Variants in DNAH14 observed in about 807,000 individuals in gnomAD.
The protein encoded by DNAH14 is axonemal beta dynein heavy chain 14.
Under a neutral mutation model 520.9 loss-of-function variants are expected in DNAH14, and 478 were observed. The observed-to-expected ratio is 0.92, with a 90% CI of 0.85 to 0.99. The LOEUF (loss-of-function observed/expected upper bound fraction) is 0.99. Ranked by LOEUF, DNAH14 falls within the 50% of genes least tolerant of loss-of-function variation. The pLI, the probability that DNAH14 is intolerant of heterozygous loss-of-function variation, is 0.00. For synonymous variants in DNAH14, 1,581 were observed against 1,757.2 expected, an observed-to-expected ratio of 0.90 and a Z score of 2.51; for missense variants, 4,831 against 5,234.5, an observed-to-expected ratio of 0.92 and a Z score of 2.38.
At chr1:225,117,121 G>A (rs1025515016) in intron 23 of DNAH14, among the ~76,000 whole-genome samples, 2 of 152,024 alleles carry the variant, frequency 1.3e-5, no homozygotes, top group Non-Finnish European at 2.9e-5. Flanking sequence ...TAAGTTAATG[G>A]GTATCTCTTC....
At chr1:225,316,989 T>C (rs1480072805) in intron 60 of DNAH14, among the ~76,000 whole-genome samples, 1 of 152,264 alleles carries the variant, frequency 6.6e-6, no homozygotes, top group Non-Finnish European at 1.5e-5. Context: ...TCTAAGTTAT[T>C]ATTGACAATG....
At chr1:225,339,760 A>G (rs925707403) in intron 68 of DNAH14, among the ~76,000 whole-genome samples, 1 of 152,176 alleles carries the variant, frequency 6.6e-6, no homozygotes, top group Non-Finnish European at 1.5e-5. Context: ...AATATCATTA[A>G]GCTTCAATTT....
In DNAH14 at chr1:225,398,058, A is replaced by AAAAAAC; in HGVS notation, c.13492-457_13492-456insCAAAAA. 1.3e-5 allele frequency: 2 copies of AAAAAAC among 152,028 alleles called. 1 individual carries two copies. The highest frequency in any genetic ancestry group is 4.8e-5 in the African/African-American group (2 of 41,320). 9.4% of individuals were successfully genotyped at this position (152,028 alleles called of 1,614,324 possible). On this transcript the variant is annotated intron_variant, in intron 84 of 85. Coordinates refer to ENST00000682510, the MANE Select transcript of DNAH14 (RefSeq NM_001367479.1). ...CGAGACCCCATGTCAAAAAAAAAAA[A>AAAAAAC]AAAAAAAAAAACCCCTCCTCTGCCT...
At chr1:225,277,303 AT>A (rs2093509266) in intron 53 of DNAH14, 106 bp from the exon 54 acceptor site, 1 of 386,836 alleles carries the variant, frequency 2.6e-6, no homozygotes, top group Non-Finnish European at 5.4e-6. Flanking sequence ...AGAGCTCTGG[AT>A]TACTAGTTAT....
intron 10 of DNAH14, among the ~76,000 whole-genome samples, chr1:225,009,590 T>A (rs1275800628): frequency 2.6e-5 from 4 of 152,184 alleles, no homozygotes; most frequent in Non-Finnish European, 5.9e-5. Flanking sequence ...CTATAAAGGC[T>A]CTTTTTTGGT....
intron 27 of DNAH14, among the ~76,000 whole-genome samples, chr1:225,135,771 A>G (rs1276004074): frequency 6.6e-6 from 1 of 152,112 alleles, no homozygotes; most frequent in Non-Finnish European, 1.5e-5. Flanking sequence ...AAAGTCTCCC[A>G]CTATTATTGT....
chr1:225,366,766 T>C (rs2095557598), intron 76 of DNAH14, among the ~76,000 whole-genome samples: 1 of 152,046 alleles, frequency 6.6e-6, no homozygotes, highest in Non-Finnish European at 1.5e-5. Flanking sequence ...TAGAGCCATT[T>C]GCTTACACTC....
At chr1:224,939,169 T>G (rs1558452983) in intron 1 of DNAH14, among the ~76,000 whole-genome samples, 1 of 152,240 alleles carries the variant, frequency 6.6e-6, no homozygotes. Flanking sequence ...AATACAATAC[T>G]TGACTGACAG....
chr1:224,983,834 A>G (rs2062439120), intron 8 of DNAH14, among the ~76,000 whole-genome samples: 1 of 152,186 alleles, frequency 6.6e-6, no homozygotes, highest in Non-Finnish European at 1.5e-5. Flanking sequence ...ATACCTAACA[A>G]AGGAGTCAAA....
intron 21 of DNAH14, among the ~76,000 whole-genome samples, chr1:225,093,091 C>T (rs907615527): frequency 5.9e-5 from 9 of 152,252 alleles, no homozygotes; most frequent in South Asian, 4.1e-4. Context: ...TGGTACCATT[C>T]CTACTGAAAT....
At chr1:225,032,622 G>C (rs879972601) in intron 11 of DNAH14, among the ~76,000 whole-genome samples, 3 of 152,066 alleles carry the variant, frequency 2.0e-5, no homozygotes, top group African/African-American at 7.2e-5. Flanking sequence ...GGGTCGAATG[G>C]TAGTTCTCCT....
chr1:225,113,955 C>T lies in DNAH14; in HGVS notation c.3868-3729C>T, dbSNP rs556691169. 6.6e-5 allele frequency among the ~76,000 whole-genome samples: 10 copies of T among 152,316 alleles called. No homozygotes were observed. The South Asian group carries it at 1.7e-3, about 25-fold the overall frequency. Reference sequence around the variant, plus strand: ...GCCTGGAATCAGAGACCCCAAGTGCCTGCTTGGTGCTCTACCCCATTGTAG... The same window carrying T: ...GCCTGGAATCAGAGACCCCAAGTGCTTGCTTGGTGCTCTACCCCATTGTAG... On this transcript the variant is annotated intron_variant, in intron 23 of 85. Transcript: ENST00000682510.
intron 71 of DNAH14, among the ~76,000 whole-genome samples, chr1:225,347,828 G>A (rs967642605): frequency 6.6e-6 from 1 of 152,074 alleles, no homozygotes; most frequent in Non-Finnish European, 1.5e-5. Context: ...AGGGGGAAAT[G>A]GCCCAATCAG....
intron 6 of DNAH14, 86 bp downstream of exon 6, chr1:224,967,669 T>G: frequency 6.3e-7 from 1 of 1,599,250 alleles, no homozygotes; most frequent in Non-Finnish European, 8.5e-7. Flanking sequence ...ACATTTATCT[T>G]TGTGTTTCAG....
chr1:225,220,129 A>C (rs113769050), intron 41 of DNAH14, among the ~76,000 whole-genome samples: 7 of 152,320 alleles, frequency 4.6e-5, no homozygotes, highest in African/African-American at 1.4e-4. Flanking sequence ...AAAAACACTC[A>C]ATAAACTAGA....
intron 65 of DNAH14, among the ~76,000 whole-genome samples, chr1:225,332,688 G>A (rs913737295): frequency 6.6e-6 from 1 of 152,108 alleles, no homozygotes; most frequent in African/African-American, 2.4e-5. Context: ...ATAATAAATG[G>A]ATACTTTATA....
intron 1 of DNAH14, among the ~76,000 whole-genome samples, chr1:224,947,875 G>T (rs1317194499): frequency 1.3e-5 from 2 of 151,532 alleles, no homozygotes; most frequent in African/African-American, 4.8e-5. Flanking sequence ...TACTCTAATT[G>T]TATTGTGGTC....
At chr1:225,227,534 G>T (rs1157691579) in intron 41 of DNAH14, among the ~76,000 whole-genome samples, 3 of 152,120 alleles carry the variant, frequency 2.0e-5, no homozygotes, top group Non-Finnish European at 4.4e-5. Context: ...AGTTTCTTAT[G>T]CCTGTCTTTT....
chr1:225,034,833 T>C (rs1424957093), intron 11 of DNAH14, among the ~76,000 whole-genome samples: 6 of 152,314 alleles, frequency 3.9e-5, no homozygotes, highest in Admixed American at 2.0e-4. Flanking sequence ...TTTATCCATC[T>C]CTTCTAGATT....
Sources: allele counts gnomAD v4.1 joint callset (sites outside exome capture counted in the v4.1 genomes callset), GRCh38; gene constraint gnomAD v4.1.1; transcripts MANE v1.5; gene names NCBI Gene and HGNC (gene_info 2026-07-23, HGNC 2026-07-21).